The following UPRT variants were observed in gnomAD, a reference collection of about 807,000 sequenced individuals.
The protein encoded by UPRT is RP11-311P8.3.
UPRT carries 5 observed loss-of-function variants against 22.6 expected under a neutral mutation model. The ratio of observed to expected loss-of-function variants is 0.22; its 90% CI spans 0.12 to 0.47. UPRT has a LOEUF of 0.47. Among genes scored for constraint, UPRT ranks in the 20% least tolerant of loss-of-function variants. The pLI is 0.99. For missense variants in UPRT, 181 were observed against 239.9 expected, an observed-to-expected ratio of 0.75 and a Z score of 1.62; for synonymous variants, 77 against 87.7, an observed-to-expected ratio of 0.88 and a Z score of 0.68.
chrX:75,272,856 T>A (rs2082616184), upstream of UPRT, among the ~76,000 whole-genome samples: 2 of 112,222 alleles, frequency 1.8e-5, no homozygotes, highest in East Asian at 5.6e-4. Flanking sequence ...ATTATTGTTT[T>A]ATTAAAGACA....
intron 4 of UPRT, among the ~76,000 whole-genome samples, chrX:75,264,695 T>G (rs927090379): frequency 5.4e-5 from 6 of 111,654 alleles, no homozygotes; most frequent in Non-Finnish European, 3.8e-5. Context: ...TTACATTTAA[T>G]GTTAATATTG....
chrX:75,265,570 T>C (rs1375907636), intron 4 of UPRT, among the ~76,000 whole-genome samples: 1 of 111,937 alleles, frequency 8.9e-6, no homozygotes. Flanking sequence ...TTATTCTAGT[T>C]ATCCATTTGT....
At chrX:75,277,236 A>G (rs1442893470) in intron 1 of UPRT, among the ~76,000 whole-genome samples, 1 of 111,077 alleles carries the variant, frequency 9.0e-6, no homozygotes, top group Non-Finnish European at 1.9e-5. Flanking sequence ...AGGATTCCTT[A>G]GTTTTTTAGA....
intron 3 of UPRT, among the ~76,000 whole-genome samples, chrX:75,167,029 C>T (rs2082215029): frequency 8.9e-6 from 1 of 111,771 alleles, no homozygotes; most frequent in East Asian, 2.8e-4. Flanking sequence ...CTTGGGTGTA[C>T]ATGTGCATGC....
intron 4 of UPRT, among the ~76,000 whole-genome samples, chrX:75,187,572 C>T (rs966159944): frequency 6.3e-5 from 7 of 111,702 alleles, no homozygotes; most frequent in Admixed American, 9.5e-5. Flanking sequence ...GTTGGACTGC[C>T]TTGCTAGATT....
At chrX:75,218,439 G>A (rs1262276215) in intron 4 of UPRT, among the ~76,000 whole-genome samples, 120 of 101,801 alleles carry the variant, frequency 1.2e-3, no homozygotes, top group African/African-American at 4.2e-3. Context: ...CACTGTTGGT[G>A]GGACTGTAAA....
intron 4 of UPRT, among the ~76,000 whole-genome samples, chrX:75,248,772 TTGAAA>T (rs2082516761): frequency 9.0e-6 from 1 of 111,267 alleles, no homozygotes; most frequent in African/African-American, 3.3e-5. Flanking sequence ...TTCACCAAAG[TTGAAA>T]TGAATGAAAA....
At chrX:75,221,254 T>A (rs777336471) in intron 4 of UPRT, among the ~76,000 whole-genome samples, 1 of 110,839 alleles carries the variant, frequency 9.0e-6, no homozygotes, top group Admixed American at 9.6e-5. Flanking sequence ...TCTTTCTTTA[T>A]TGTTGACATT....
At chrX:75,184,673 C>T (rs1259216396) in intron 4 of UPRT, among the ~76,000 whole-genome samples, 2 of 107,796 alleles carry the variant, frequency 1.9e-5, no homozygotes, top group Non-Finnish European at 3.8e-5. Flanking sequence ...AATGTTCTTC[C>T]ATTTGTTTGT....
chrX:75,184,911 A>C (rs1197815507), intron 4 of UPRT, among the ~76,000 whole-genome samples: 1 of 111,339 alleles, frequency 9.0e-6, no homozygotes, highest in Non-Finnish European at 1.9e-5. Context: ...CAGCTTAAGG[A>C]GATTTTGGGC....
upstream of UPRT, among the ~76,000 whole-genome samples, chrX:75,272,319 T>TATATGTATATATATATATAC (rs369391024): frequency 1.6e-4 from 14 of 88,342 alleles, no homozygotes; most frequent in Non-Finnish European, 2.1e-5. Flanking sequence ...TGTGTATATA[T>TATATGTATATATATATATAC]ACATATATAT....
rs1183848267 is a variant in UPRT, at chrX:75,274,306, G to A, written c.52G>A (p.Val18Ile). The A allele has an allele frequency of 8.3e-7, 1 of 1,211,674 alleles. No homozygotes were observed. The highest frequency in any genetic ancestry group is 1.8e-5 in the South Asian group (1 of 56,917). Reference protein sequence around the residue: ...PDSMPCHNQQVNSASTPSPEQ... With the variant: ...PDSMPCHNQQINSASTPSPEQ... ...CTCCATGCCCTGTCACAACCAGCAA[G>A]TAAACTCTGCCTCAACCCCAAGTCC... The change falls in exon 1 of 7, where the codon GTA becomes ATA. Residue 18 changes from valine (V) to isoleucine (I), a missense_variant. Val to Ile is a conservative substitution (Grantham distance 29, BLOSUM62 3). Transcript: ENST00000373383.
chrX:75,183,378 T>A (rs2082277683), intron 4 of UPRT, among the ~76,000 whole-genome samples: 1 of 112,076 alleles, frequency 8.9e-6, no homozygotes, highest in Non-Finnish European at 1.9e-5. Flanking sequence ...CTGCATAGTA[T>A]AATATGGTGT....
chrX:75,256,389 A>G (rs779592227), intron 4 of UPRT, among the ~76,000 whole-genome samples: 3 of 111,691 alleles, frequency 2.7e-5, no homozygotes, highest in Admixed American at 9.6e-5. Flanking sequence ...GTTCATAGCC[A>G]TAAACACCTA....
At chrX:75,232,478 C>T (rs2082442032) in intron 4 of UPRT, among the ~76,000 whole-genome samples, 1 of 112,886 alleles carries the variant, frequency 8.9e-6, no homozygotes, top group South Asian at 3.6e-4. Context: ...GGCTCCACCT[C>T]TGGGGGCAGG....
intron 4 of UPRT, among the ~76,000 whole-genome samples, chrX:75,222,376 C>T (rs1282595125): frequency 9.0e-6 from 1 of 111,578 alleles, no homozygotes; most frequent in Non-Finnish European, 1.9e-5. Context: ...TAGGGCTCTC[C>T]AATCAGCAGG....
intron 4 of UPRT, among the ~76,000 whole-genome samples, chrX:75,204,379 G>A (rs746280817): frequency 1.8e-5 from 2 of 112,454 alleles, no homozygotes; most frequent in Non-Finnish European, 3.8e-5. Flanking sequence ...AAACACCAGA[G>A]TGTATGTTCT....
intron 4 of UPRT, among the ~76,000 whole-genome samples, chrX:75,246,978 G>A (rs2082508864): frequency 8.9e-6 from 1 of 112,011 alleles, no homozygotes; most frequent in Non-Finnish European, 1.9e-5. Flanking sequence ...TACAGAGAGA[G>A]GAAGAAACTT....
Position 75,289,765 on chromosome X carries a change from G to A in UPRT, c.387-3707G>A, listed in dbSNP as rs771460863. ...GATAGCTGGCTATCCATATGCAGAAGAATGAAACTGGACCCCCACTTTTCA... is the reference window on the plus strand; with the variant it reads ...GATAGCTGGCTATCCATATGCAGAAAAATGAAACTGGACCCCCACTTTTCA... On this transcript the variant is annotated intron_variant, in intron 1 of 6. Coordinates refer to ENST00000373383, the MANE Select transcript of UPRT (RefSeq NM_145052.4). 5.4e-5 allele frequency among the ~76,000 whole-genome samples: 6 copies of A among 111,813 alleles called. No homozygotes were observed. In the South Asian group the frequency reaches 2.3e-3, roughly 42 times the overall value.
Sources: gnomAD v4.1 joint callset for allele counts (sites outside exome capture counted in the v4.1 genomes callset) on GRCh38, gnomAD v4.1.1 for gene constraint, MANE v1.5 for transcripts, NCBI Gene and HGNC (gene_info 2026-07-23, HGNC 2026-07-21) for gene names.